GALNT5: variants seen among roughly 807,000 people sequenced by gnomAD.
GALNT5 encodes the protein polypeptide N-acetylgalactosaminyltransferase 5, also known as UDP-GalNAc:polypeptide N-acetylgalactosaminyltransferase 5.
GALNT5 carries 72 observed loss-of-function variants against 85.4 expected under a neutral mutation model. That is an observed-to-expected ratio of 0.84 (90% CI 0.70 to 1.03). The LOEUF is 1.03. GALNT5 is among the 50% of genes least tolerant of loss of function. The pLI is 0.00. For synonymous variants in GALNT5, 404 were observed against 397.0 expected, an observed-to-expected ratio of 1.02 and a Z score of -0.21; for missense variants, 1,137 against 1,135.5, an observed-to-expected ratio of 1.00 and a Z score of -0.02.
chr2:157,285,843 T>A (rs1282253229), intron 2 of GALNT5, among the ~76,000 whole-genome samples, 172 bp from the exon 3 acceptor site: 1 of 152,168 alleles, frequency 6.6e-6, no homozygotes, highest in East Asian at 1.9e-4. Context: ...TGAAACCAGA[T>A]AGAATCCTTC....
chr2:157,259,480 C>T lies in GALNT5; in HGVS notation c.1398C>T (p.Val466=). ...GATGGAAAGAAGGAAACTTCAATGT[C>T]TACCTTAGCGATTTGATCCCAGTGG... is the stretch of plus-strand genomic sequence containing the variant. The part of the protein sequence containing the change: ...ERRWKEGNFN[V]YLSDLIPVDR... The change falls in exon 1 of 10, where the codon GTC becomes GTT. Residue 466 remains valine, a synonymous_variant. Coordinates refer to ENST00000259056, the MANE Select transcript of GALNT5 (RefSeq NM_014568.3). 1 of 1,448,018 alleles carries T rather than the reference C, an allele frequency of 6.9e-7. No individual in the cohort carries two copies. Among genetic ancestry groups the T allele is most frequent in the Non-Finnish European group, 9.1e-7 (1 of 1,096,742 alleles). 89.7% of individuals were successfully genotyped at this position (1,448,018 alleles called of 1,614,324 possible).
chr2:157,286,644 C>T (rs999304494), intron 3 of GALNT5, among the ~76,000 whole-genome samples: 6 of 152,124 alleles, frequency 3.9e-5, no homozygotes, highest in African/African-American at 7.2e-5. Context: ...GCTGGGATTA[C>T]AGGCACCCAC....
chr2:157,288,108 G>A (rs1276046436), intron 3 of GALNT5, among the ~76,000 whole-genome samples: 1 of 152,150 alleles, frequency 6.6e-6, no homozygotes, highest in Non-Finnish European at 1.5e-5. Context: ...TGTAAGCCCT[G>A]CTTTTACAGG....
chr2:157,288,076 C>T (rs1187160515), intron 3 of GALNT5, among the ~76,000 whole-genome samples: 1 of 152,188 alleles, frequency 6.6e-6, no homozygotes, highest in Non-Finnish European at 1.5e-5. Flanking sequence ...GGCCTCTAGA[C>T]ATTTAGCCAC....
Position 157,300,868 on chromosome 2 carries a change from C to A in GALNT5, c.2308C>A (p.Gln770Lys), listed in dbSNP as rs769988939. Residue 770 changes from glutamine (Q) to lysine (K), a missense_variant, in exon 7 of 10, where the codon CAA becomes AAA. By Grantham distance (53) the Gln-to-Lys change is moderately conservative (BLOSUM62 1). Transcript: ENST00000259056. ...FYGHGDHLID[Q>K]GLDVGNLTQQ... Reference sequence around the variant, plus strand: ...TGGCCACGGAGACCACCTCATCGACCAAGGGCTAGATGTTGGCAACCTCAC... The same window carrying A: ...TGGCCACGGAGACCACCTCATCGACAAAGGGCTAGATGTTGGCAACCTCAC... The A allele has an allele frequency of 3.3e-5, 53 of 1,613,874 alleles. No homozygotes were observed. The highest frequency in any genetic ancestry group is 3.9e-5 in the Non-Finnish European group (46 of 1,179,922).
chr2:157,299,843 C>T (rs1325182062), intron 6 of GALNT5, among the ~76,000 whole-genome samples, 178 bp downstream of exon 6: 1 of 152,166 alleles, frequency 6.6e-6, no homozygotes, highest in Non-Finnish European at 1.5e-5. Flanking sequence ...GAATCAATTG[C>T]TGTCATAAAA....
In GALNT5 at chr2:157,286,179, T is replaced by C. The variant is rs191379570; in HGVS notation, c.1741+45T>C. On this transcript the variant is annotated intron_variant, in intron 3 of 9. Coordinates refer to ENST00000259056, the MANE Select transcript of GALNT5 (RefSeq NM_014568.3). ...TTTGTTTGTTACATTTTTATTTTAA[T>C]TTAAAATGTTTCTCAAACATACAGC... The C allele has an allele frequency of 6.8e-4, 1,024 of 1,515,318 alleles. 5 individuals carry two copies. In the African/African-American group the frequency reaches 0.012, roughly 17 times the overall value. The allele number at this position is 1,515,318 out of a possible 1,614,324, so 93.9% of individuals were successfully genotyped here.
rs952597599 is a variant in GALNT5 at position 157,315,576 on chromosome 2, GTCTC to G, written c.*4238_*4241del. On this transcript the variant is annotated 3_prime_UTR_variant, in exon 10 of 10. Coordinates refer to ENST00000259056, the MANE Select transcript of GALNT5 (RefSeq NM_014568.3). ...TGTATAAACAGAAAAAAGAAGCATG[GTCTC>G]TCTCTCTCTGTGGTAACCAATTGAT... Among the ~76,000 whole-genome samples, 10 of 151,802 alleles carry G rather than the reference GTCTC, an allele frequency of 6.6e-5. No homozygotes were observed. Among genetic ancestry groups the G allele is most frequent in the African/African-American group, 2.2e-4 (9 of 41,358 alleles).
chr2:157,273,564 C>A (rs931673447), intron 1 of GALNT5, among the ~76,000 whole-genome samples: 5 of 147,850 alleles, frequency 3.4e-5, no homozygotes, highest in Non-Finnish European at 7.4e-5. Context: ...TCAAAATAAA[C>A]CTACATTTTG....
Position 157,258,771 on chromosome 2 carries a change from G to A in GALNT5, c.689G>A (p.Arg230Gln), listed in dbSNP as rs757021329. Residue 230 changes from arginine to glutamine, a missense_variant, in exon 1 of 10, where the codon CGA becomes CAA. Coordinates refer to ENST00000259056, the MANE Select transcript of GALNT5 (RefSeq NM_014568.3). The stretch of plus-strand genomic sequence containing the variant: ...CTTAGTACTGATAGACCAAAGCAGC[G>A]ATCACAGGCAGTAGCAAACGAGAGG... The part of the protein sequence containing the change: ...ISLSTDRPKQ[R>Q]SQAVANERAH... The A allele has an allele frequency of 1.1e-5, 18 of 1,610,238 alleles. No homozygotes were observed. The highest frequency in any genetic ancestry group is 2.2e-5 in the South Asian group (2 of 90,890).
chr2:157,260,293 T>C (rs1025348386), intron 1 of GALNT5, among the ~76,000 whole-genome samples: 3 of 152,258 alleles, frequency 2.0e-5, no homozygotes, highest in African/African-American at 7.2e-5. Flanking sequence ...GCAGTCATTA[T>C]GGTTCAAATT....
At chr2:157,308,044 A>T (rs1417581970) in intron 8 of GALNT5, among the ~76,000 whole-genome samples, 1 of 152,206 alleles carries the variant, frequency 6.6e-6, no homozygotes, top group African/African-American at 2.4e-5. Flanking sequence ...CCTTTCCTAC[A>T]ATCGGACAAA....
At chr2:157,286,485 G>A (rs572697076) in intron 3 of GALNT5, among the ~76,000 whole-genome samples, 7 of 152,022 alleles carry the variant, frequency 4.6e-5, no homozygotes, top group Admixed American at 2.0e-4. Flanking sequence ...TTTTCTCATT[G>A]TTCCCAAAAT....
intron 1 of GALNT5, among the ~76,000 whole-genome samples, chr2:157,279,702 A>AT (rs1410238306): frequency 6.6e-6 from 1 of 152,156 alleles, no homozygotes; most frequent in African/African-American, 2.4e-5. Flanking sequence ...GAAGTGTCCC[A>AT]TTTTTTCAGG....
chr2:157,306,369 A>G (rs945327266), intron 8 of GALNT5, among the ~76,000 whole-genome samples: 1 of 152,106 alleles, frequency 6.6e-6, no homozygotes, highest in African/African-American at 2.4e-5. Flanking sequence ...TAAGGGAGTA[A>G]TGGAAATAAC....
chr2:157,273,818 A>AT (rs573587050), intron 1 of GALNT5, among the ~76,000 whole-genome samples: 194 of 150,704 alleles, frequency 1.3e-3, no homozygotes, highest in East Asian at 6.6e-3. Flanking sequence ...AATTTTTTGT[A>AT]TTTTTTTTAT....
At chr2:157,286,893 A>AGT (rs3072178) in intron 3 of GALNT5, among the ~76,000 whole-genome samples, 15,016 of 135,696 alleles carry the variant, frequency 0.11, 816 homozygotes, top group South Asian at 0.15. Context: ...TTTAAATACC[A>AGT]GTGTGTGTGT....
At position 157,313,143 on chromosome 2, in the gene GALNT5, A is replaced by G. The variant is rs1301510652; in HGVS notation, c.*1795A>G. The G allele has an allele frequency of 6.6e-6, 1 of 152,228 alleles. No individual in the cohort carries two copies. Among genetic ancestry groups the G allele is most frequent in the East Asian group, 1.9e-4 (1 of 5,204 alleles). The allele number at this position is 152,228 out of a possible 1,614,324, so 9.4% of individuals were successfully genotyped here. On this transcript the variant is annotated 3_prime_UTR_variant, in exon 10 of 10. Transcript: ENST00000259056. ...ATGACACATAATGATGTTTTAGTCA[A>G]CAATGAACCACATATTTGACATTGG...
rs1456750408 is a variant in GALNT5 at position 157,317,636 on chromosome 2, T to C, written c.*6288T>C. Among the ~76,000 whole-genome samples, 1 of 152,150 alleles carries C rather than the reference T, an allele frequency of 6.6e-6. No individual in the cohort carries two copies. Among genetic ancestry groups the C allele is most frequent in the Non-Finnish European group, 1.5e-5 (1 of 68,000 alleles). On this transcript the variant is annotated 3_prime_UTR_variant, in exon 10 of 10. Coordinates refer to ENST00000259056, the MANE Select transcript of GALNT5 (RefSeq NM_014568.3). The stretch of plus-strand genomic sequence containing the variant: ...TAAACATTTTTAAGTACTTTTTCTT[T>C]TGCATCTGATCGACTGAAGTTATTA...
Sources: allele counts gnomAD v4.1 joint callset (sites outside exome capture counted in the v4.1 genomes callset), GRCh38; gene constraint gnomAD v4.1.1; transcripts MANE v1.5; gene names NCBI Gene and HGNC (gene_info 2026-07-23, HGNC 2026-07-21).